The following PCDHGB1 variants were observed in gnomAD, a reference collection of about 807,000 sequenced individuals.
PCDHGB1 encodes protocadherin gamma subfamily B, 1.
PCDHGB1 carries 34 observed loss-of-function variants against 56.6 expected under a neutral mutation model. The observed-to-expected ratio is 0.60, with a 90% confidence interval of 0.46 to 0.80. The LOEUF (loss-of-function observed/expected upper bound fraction) is 0.80, where lower values mean the gene tolerates loss of function less well. PCDHGB1 is among the 30% of genes least tolerant of loss of function. PCDHGB1 has a pLI of 0.00. For missense variants in PCDHGB1, 1,278 were observed against 1,204.6 expected, an observed-to-expected ratio of 1.06 and a Z score of -0.90; for synonymous variants, 561 against 505.9, an observed-to-expected ratio of 1.11 and a Z score of -1.46.
rs547778963 is a variant in PCDHGB1 at position 141,357,070 on chromosome 5, G to A, written c.2409+4401G>A. 1.9e-6 allele frequency: 3 copies of A among 1,613,960 alleles called. No individual in the cohort carries two copies. The highest frequency in any genetic ancestry group is 3.3e-5 in the Admixed American group (2 of 60,028). On this transcript the variant is annotated intron_variant, in intron 1 of 3. Coordinates refer to ENST00000523390, the MANE Select transcript of PCDHGB1 (RefSeq NM_018922.3). Reference sequence around the variant, plus strand: ...ACTATTTGCAGTGGGGCTGCACACAGGCGAGGTGCGCACCGCACGGGCCCT... The same window carrying A: ...ACTATTTGCAGTGGGGCTGCACACAAGCGAGGTGCGCACCGCACGGGCCCT...
chr5:141,376,009 A>G lies in PCDHGB1; in HGVS notation c.2409+23340A>G, dbSNP rs111388524. 32 of 1,613,224 alleles carry G rather than the reference A, an allele frequency of 2.0e-5. No homozygotes were observed. In the South Asian group the frequency reaches 3.5e-4, roughly 18 times the overall value. On this transcript the variant is annotated intron_variant, in intron 1 of 3. Transcript: ENST00000523390. ...ACAGAGACGCGCTCAAGCAGAGCCT[A>G]GTGGTGGCCGTCCAGGACCACGGCC...
At chr5:141,430,612 G>A (rs1406353008) in intron 1 of PCDHGB1, 2 of 680,678 alleles carry the variant, frequency 2.9e-6, no homozygotes, top group African/African-American at 3.7e-5. Flanking sequence ...GCACAAAGCA[G>A]ATAGCTAGGA....
intron 1 of PCDHGB1, among the ~76,000 whole-genome samples, chr5:141,434,409 T>G (rs2097692930): frequency 6.6e-6 from 1 of 152,232 alleles, no homozygotes; most frequent in South Asian, 2.1e-4. Context: ...TCTGCAGCAC[T>G]GTGACATGTT....
At chr5:141,425,957 C>A (rs1317696447) in intron 1 of PCDHGB1, among the ~76,000 whole-genome samples, 1 of 152,140 alleles carries the variant, frequency 6.6e-6, no homozygotes, top group Non-Finnish European at 1.5e-5. Context: ...TACATTAGTC[C>A]AACACATCAG....
chr5:141,409,927 C>T, intron 1 of PCDHGB1: 5 of 1,613,342 alleles, frequency 3.1e-6, no homozygotes, highest in Middle Eastern at 1.6e-4. Flanking sequence ...CCGCGTTCTT[C>T]GATATGGTAC....
chr5:141,367,878 CTTT>C (rs1165351222), intron 1 of PCDHGB1: 2 of 151,946 alleles, frequency 1.3e-5, no homozygotes, highest in South Asian at 2.1e-4. Flanking sequence ...TGCAATTCTT[CTTT>C]ATTACTTGAG....
chr5:141,366,259 G>A (rs369720611), intron 1 of PCDHGB1: 29 of 1,613,546 alleles, frequency 1.8e-5, no homozygotes, highest in Non-Finnish European at 2.5e-5. Context: ...AGAGCCTCGT[G>A]GTGGCCGTCG....
rs368791778 is a variant in PCDHGB1, at chr5:141,409,216, T to C, written c.2409+56547T>C. The C allele has an allele frequency of 4.3e-6, 7 of 1,613,886 alleles. No homozygotes were observed. The African/African-American group carries it at 9.3e-5, about 22-fold the overall frequency. On this transcript the variant is annotated intron_variant, in intron 1 of 3. Coordinates refer to ENST00000523390, the MANE Select transcript of PCDHGB1 (RefSeq NM_018922.3). ...AGTGTAAAGTAATCATAGAAATCCT[T>C]GATGAAAACGACAACAGCCCAGAAA...
chr5:141,465,520 G>C (rs2099104807), intron 1 of PCDHGB1, among the ~76,000 whole-genome samples: 1 of 152,144 alleles, frequency 6.6e-6, no homozygotes, highest in Non-Finnish European at 1.5e-5. Flanking sequence ...GAAGGATTCT[G>C]GGGAAGTTTT....
chr5:141,416,011 GGTAA>G (rs1031382322), intron 1 of PCDHGB1: 25 of 239,912 alleles, frequency 1.0e-4, no homozygotes, highest in Non-Finnish European at 3.9e-5. Flanking sequence ...GGTAAGAATA[GGTAA>G]GTATCAGAAA....
Position 141,510,960 on chromosome 5 carries a change from G to T in PCDHGB1, c.2571G>T (p.Gly857=). The T allele has an allele frequency of 6.2e-7, 1 of 1,614,120 alleles. No individual in the cohort carries two copies. The highest frequency in any genetic ancestry group is 1.3e-5 in the African/African-American group (1 of 75,022). ...ILASASEAAD[G]SSTLGGGAGT... is the part of the protein sequence containing the mutation. ...CTGTCTCTGCAGAAGCTGCTGATGG[G>T]AGCTCCACCCTGGGAGGGGGTGCCG... Residue 857 remains glycine, a synonymous_variant, in exon 4 of 4, where the codon GGG becomes GGT. Transcript: ENST00000523390.
At chr5:141,430,635 T>C (rs1561846344) in intron 1 of PCDHGB1, 1 of 881,828 alleles carries the variant, frequency 1.1e-6, no homozygotes, top group African/African-American at 1.7e-5. Context: ...GAACCATCCC[T>C]GGGAGTATGT....
chr5:141,489,775 T>C lies in PCDHGB1; in HGVS notation c.2410-5032T>C, dbSNP rs748163008. The C allele has an allele frequency of 6.2e-7, 1 of 1,614,110 alleles. No homozygotes were observed. The highest frequency in any genetic ancestry group is 8.5e-7 in the Non-Finnish European group (1 of 1,179,986). Reference sequence around the variant, plus strand: ...CACTCTAAGCCCCAACAGCCACTTCTCTCTGAATGTGAAGACCCTAAAAGA... The same window carrying C: ...CACTCTAAGCCCCAACAGCCACTTCCCTCTGAATGTGAAGACCCTAAAAGA... On this transcript the variant is annotated intron_variant, in intron 1 of 3. Coordinates refer to ENST00000523390, the MANE Select transcript of PCDHGB1 (RefSeq NM_018922.3). This position sits in a 1 kb window ranked among gnomAD's most constrained non-coding sequence, Gnocchi z 4.5.
intron 1 of PCDHGB1, among the ~76,000 whole-genome samples, chr5:141,474,990 A>G (rs1245269630): frequency 6.6e-6 from 1 of 152,222 alleles, no homozygotes; most frequent in African/African-American, 2.4e-5. Context: ...GGTGACAACA[A>G]TTCTAAATGC....
chr5:141,431,702 T>C lies in PCDHGB1; in HGVS notation c.2410-63105T>C, dbSNP rs1349630251. The C allele has an allele frequency of 5.6e-6, 9 of 1,614,110 alleles. No individual in the cohort carries two copies. In the East Asian group the frequency reaches 8.9e-5, roughly 16 times the overall value. Reference sequence around the variant, plus strand: ...GTTGGACCACGAGGAGTCAGGATTCTACCAGATGGAAGTGCAAGCAATGGA... The same window carrying C: ...GTTGGACCACGAGGAGTCAGGATTCCACCAGATGGAAGTGCAAGCAATGGA... On this transcript the variant is annotated intron_variant, in intron 1 of 3. Transcript: ENST00000523390. This position sits in a 1 kb window ranked among gnomAD's most constrained non-coding sequence, Gnocchi z 4.8.
Position 141,432,323 on chromosome 5 carries a change from T to C in PCDHGB1, c.2410-62484T>C, listed in dbSNP as rs1198710959. The C allele has an allele frequency of 3.4e-5, 55 of 1,614,214 alleles. No individual in the cohort carries two copies. Among genetic ancestry groups the C allele is most frequent in the Non-Finnish European group, 4.7e-5 (55 of 1,180,028 alleles). On this transcript the variant is annotated intron_variant, in intron 1 of 3. Transcript: ENST00000523390. This position sits in a 1 kb window ranked among gnomAD's most constrained non-coding sequence, Gnocchi z 6.0. ...ACTGTATGCGCTGAGCTCCTTCGAC[T>C]ACGAGCAGTTCCGAGACTTGCAAGT...
chr5:141,459,259 G>T (rs996530664), intron 1 of PCDHGB1, among the ~76,000 whole-genome samples: 1 of 152,140 alleles, frequency 6.6e-6, no homozygotes, highest in Non-Finnish European at 1.5e-5. Context: ...ATAAATTAGT[G>T]TTGCCTCTTT....
rs1269612127 is a variant in PCDHGB1, at chr5:141,352,326, T to C, written c.2066T>C (p.Val689Ala). 5 of 1,614,058 alleles carry C rather than the reference T, an allele frequency of 3.1e-6. No individual in the cohort carries two copies. In the Admixed American group the frequency reaches 5.0e-5, roughly 16 times the overall value. The change falls in exon 1 of 4, where the codon GTT (valine) becomes GCT (alanine). Residue 689 changes from valine to alanine, a missense_variant. Transcript: ENST00000523390. ...DPQTELQFYL[V>A]VALALISVLF... ...CAGACGGAACTGCAGTTTTACCTGG[T>C]TGTGGCCTTGGCCTTGATCTCAGTG...
Position 141,352,627 on chromosome 5 carries a change from T to C in PCDHGB1, c.2367T>C (p.Asn789=), listed in dbSNP as rs1759062502. 6.2e-7 allele frequency: 1 copy of C among 1,612,018 alleles called. No homozygotes were observed. Among genetic ancestry groups the C allele is most frequent in the African/African-American group, 1.3e-5 (1 of 75,056 alleles). Residue 789 remains asparagine (N), a synonymous_variant, in exon 1 of 4, where the codon AAT becomes AAC. Transcript: ENST00000523390. ...DDPSMVVCAS[N]EDHKIAYDPS... is the part of the protein sequence containing the mutation. ...CTTCTATGGTTGTATGTGCCAGTAATGAAGATCACAAAATCGCTTATGACC... is the reference window on the plus strand; with the variant it reads ...CTTCTATGGTTGTATGTGCCAGTAACGAAGATCACAAAATCGCTTATGACC...
Sources: gnomAD v4.1 joint callset for allele counts (sites outside exome capture counted in the v4.1 genomes callset) on GRCh38, gnomAD v4.1.1 for gene constraint, Gnocchi (gnomAD v3.1) non-coding constraint, MANE v1.5 for transcripts, NCBI Gene and HGNC (gene_info 2026-07-23, HGNC 2026-07-21) for gene names.